The following PLA1A variants were observed in gnomAD, a reference collection of about 807,000 sequenced individuals.
PLA1A encodes phospholipase A1 member A, also known as phosphatidylserine-specific phospholipase A1alpha.
A neutral mutation model predicts 49.4 loss-of-function variants in PLA1A; 47 were observed. The ratio of observed to expected loss-of-function variants is 0.95; its 90% CI spans 0.75 to 1.21. The LOEUF is 1.21. PLA1A is among the 50% of genes most tolerant of loss of function. The probability of loss-of-function intolerance (pLI) is 0.00; values close to 1 mark genes in which losing one functional copy is unlikely to be tolerated. For missense variants in PLA1A, 561 were observed against 563.9 expected, an observed-to-expected ratio of 0.99 and a Z score of 0.05; for synonymous variants, 224 against 207.9, an observed-to-expected ratio of 1.08 and a Z score of -0.67.
chr3:119,606,844 T>C lies in PLA1A; in HGVS notation c.144T>C (p.Asp48=). The C allele has an allele frequency of 6.2e-7, 1 of 1,614,138 alleles. No homozygotes were observed. Among genetic ancestry groups the C allele is most frequent in the Non-Finnish European group, 8.5e-7 (1 of 1,180,020 alleles). Reference sequence around the variant, plus strand: ...GCGCCAACCTTTTTGAAGGCACCGATCTCAAAGTCCAGTTTCTCCTCTTTG... The same window carrying C: ...GCGCCAACCTTTTTGAAGGCACCGACCTCAAAGTCCAGTTTCTCCTCTTTG... The part of the protein sequence containing the change: ...FQSANLFEGT[D]LKVQFLLFVP... Residue 48 remains aspartate (D), a synonymous_variant, in exon 2 of 11, where the codon GAT becomes GAC. Coordinates refer to ENST00000273371, the MANE Select transcript of PLA1A (RefSeq NM_015900.4).
At position 119,598,009 on chromosome 3, in the gene PLA1A, G is replaced by A. The variant is rs775744854; in HGVS notation, c.73+23G>A. ...CAGGTAAGCCAGGGCTCAGGCCTTGGGAGGAACTTATTTCAGTCAGTGATC... is the reference window on the plus strand; with the variant it reads ...CAGGTAAGCCAGGGCTCAGGCCTTGAGAGGAACTTATTTCAGTCAGTGATC... On this transcript the variant is annotated intron_variant, in intron 1 of 10. Transcript: ENST00000273371. The A allele has an allele frequency of 2.7e-6, 4 of 1,481,910 alleles. No individual in the cohort carries two copies. The South Asian group carries it at 4.7e-5, about 17-fold the overall frequency. The allele number at this position is 1,481,910 out of a possible 1,614,324, so 91.8% of individuals were successfully genotyped here. A position where few individuals can be genotyped will look rare whatever the true frequency, so the allele number is the denominator to read the frequency against.
At chr3:119,619,918 G>A (rs762185457) in intron 8 of PLA1A, among the ~76,000 whole-genome samples, 1 of 152,196 alleles carries the variant, frequency 6.6e-6, no homozygotes. Flanking sequence ...CTTCTCTCTC[G>A]AGTGATGTTT....
At chr3:119,613,163 C>CGCTGCCTTG in intron 5 of PLA1A, 45 bp downstream of exon 5, 2 of 1,335,546 alleles carry the variant, frequency 1.5e-6, no homozygotes, top group Non-Finnish European at 2.1e-6. Flanking sequence ...GAGCTCAAGG[C>CGCTGCCTTG]AGCGCCTAGG....
chr3:119,607,030 AATACC>A, intron 2 of PLA1A, 55 bp downstream of exon 2: 1 of 1,408,988 alleles, frequency 7.1e-7, no homozygotes, highest in Non-Finnish European at 1.0e-6. Flanking sequence ...AAGTAACCAT[AATACC>A]ATAAGAAGTT....
chr3:119,610,724 T>C (rs557241705), intron 4 of PLA1A, among the ~76,000 whole-genome samples: 1 of 152,354 alleles, frequency 6.6e-6, no homozygotes, highest in South Asian at 2.1e-4. Context: ...CTTTGTCAGA[T>C]GCATAGTTTG....
intron 8 of PLA1A, among the ~76,000 whole-genome samples, chr3:119,621,032 C>T (rs189305918): frequency 2.4e-4 from 36 of 152,304 alleles, no homozygotes; most frequent in African/African-American, 8.4e-4. Flanking sequence ...CTTCTGTCAG[C>T]GCCACCCCAT....
Position 119,616,798 on chromosome 3 carries a change from G to A in PLA1A, c.754+697G>A, listed in dbSNP as rs113761202. 2.8e-3 allele frequency among the ~76,000 whole-genome samples: 427 copies of A among 152,340 alleles called. 1 individual carries two copies. Among genetic ancestry groups the A allele is most frequent in the African/African-American group, 9.5e-3 (395 of 41,590 alleles). Reference sequence around the variant, plus strand: ...AAACATGCTTCTTTTCGCAATTTGCGAATTTCTCAGCAATTCTGATAAAAT... The same window carrying A: ...AAACATGCTTCTTTTCGCAATTTGCAAATTTCTCAGCAATTCTGATAAAAT... On this transcript the variant is annotated intron_variant, in intron 6 of 10. Coordinates refer to ENST00000273371, the MANE Select transcript of PLA1A (RefSeq NM_015900.4).
In PLA1A at chr3:119,609,537, G is replaced by C; in HGVS notation, c.523G>C (p.Val175Leu). The change falls in exon 4 of 11, where the codon GTG (valine) becomes CTG (leucine). Residue 175 changes from valine (V) to leucine (L), a missense_variant. Val to Leu is a conservative substitution (Grantham distance 32). Coordinates refer to ENST00000273371, the MANE Select transcript of PLA1A (RefSeq NM_015900.4). ...VSLGAHVGGM[V>L]GQLFGGQLGQ... The stretch of plus-strand genomic sequence containing the variant: ...CCTGGGGGCCCACGTTGGGGGCATG[G>C]TGGGACAGCTCTTCGGAGGCCAGCT... The C allele has an allele frequency of 1.9e-6, 3 of 1,612,154 alleles. No individual in the cohort carries two copies. Among genetic ancestry groups the C allele is most frequent in the Non-Finnish European group, 2.5e-6 (3 of 1,178,240 alleles).
intron 1 of PLA1A, among the ~76,000 whole-genome samples, chr3:119,603,865 T>C (rs1560076582): frequency 6.6e-6 from 1 of 152,218 alleles, no homozygotes; most frequent in Non-Finnish European, 1.5e-5. Flanking sequence ...AGTTGGAAGC[T>C]TCTGAGTGGT....
At chr3:119,609,419 C>G (rs1011211620) in intron 3 of PLA1A, 49 bp from the exon 4 acceptor site, 1 of 1,172,816 alleles carries the variant, frequency 8.5e-7, no homozygotes, top group Admixed American at 1.7e-5. Flanking sequence ...CACTGTGAAG[C>G]CAGCAGACTC....
chr3:119,612,996 C>T (rs2107787533), intron 4 of PLA1A, 21 bp from the exon 5 acceptor site: 1 of 1,480,208 alleles, frequency 6.8e-7, no homozygotes. Flanking sequence ...AGAGGTCCCT[C>T]ATATCAGTCT....
At chr3:119,629,358 G>C (rs2052591975) in intron 10 of PLA1A, 26 bp from the exon 11 acceptor site, 1 of 1,394,138 alleles carries the variant, frequency 7.2e-7, no homozygotes, top group Middle Eastern at 1.8e-4. Context: ...ACCAGCCACT[G>C]CTCTCTTATT....
Position 119,629,784 on chromosome 3 carries a change from A to T in PLA1A, c.*316A>T, listed in dbSNP as rs2052601397. On this transcript the variant is annotated 3_prime_UTR_variant, in exon 11 of 11. Coordinates refer to ENST00000273371, the MANE Select transcript of PLA1A (RefSeq NM_015900.4). ...ACATGTACAGGGTAAACAATTTTTT[A>T]AAAATAAAACTTCATGGAGTATCTG... 1 of 293,996 alleles carries T rather than the reference A, an allele frequency of 3.4e-6. No individual in the cohort carries two copies. The highest frequency in any genetic ancestry group is 9.6e-4 in the Middle Eastern group (1 of 1,046). 18.2% of individuals were successfully genotyped at this position (293,996 alleles called of 1,614,324 possible).
chr3:119,629,496 G>C lies in PLA1A; in HGVS notation c.*28G>C. 2 of 1,071,658 alleles carry C rather than the reference G, an allele frequency of 1.9e-6. No homozygotes were observed. Among genetic ancestry groups the C allele is most frequent in the Non-Finnish European group, 2.6e-6 (2 of 755,128 alleles). The allele number at this position is 1,071,658 out of a possible 1,614,324, so 66.4% of individuals were successfully genotyped here. ...TAACCTGGGCAGGACACATCTCCCTGCATTTTTTTTTTTTTTTTGAGAGAG... is the reference window on the plus strand; with the variant it reads ...TAACCTGGGCAGGACACATCTCCCTCCATTTTTTTTTTTTTTTTGAGAGAG... On this transcript the variant is annotated 3_prime_UTR_variant, in exon 11 of 11. Transcript: ENST00000273371.
intron 10 of PLA1A, 121 bp downstream of exon 10, chr3:119,628,986 A>G: frequency 2.4e-6 from 2 of 843,122 alleles, no homozygotes; most frequent in South Asian, 3.3e-5. Context: ...TTAGAAGCAG[A>G]GATGACAGAC....
intron 3 of PLA1A, 103 bp downstream of exon 3, chr3:119,609,050 A>G (rs1342346741): frequency 2.2e-6 from 2 of 904,052 alleles, no homozygotes; most frequent in Non-Finnish European, 3.5e-6. Flanking sequence ...AAGCAGAGTC[A>G]CCAGGTAGCT....
At chr3:119,608,292 G>GAAAGAA (rs1560078942) in intron 2 of PLA1A, among the ~76,000 whole-genome samples, 4 of 140,398 alleles carry the variant, frequency 2.8e-5, no homozygotes, top group Non-Finnish European at 4.8e-5. Flanking sequence ...AAGAAAGAAA[G>GAAAGAA]AAAGAAAAAG....
intron 1 of PLA1A, chr3:119,600,280 T>C: frequency 1.5e-6 from 1 of 659,216 alleles, no homozygotes; most frequent in East Asian, 2.7e-5. Context: ...CAGTCACACC[T>C]AGTTTTTCCT....
intron 8 of PLA1A, among the ~76,000 whole-genome samples, chr3:119,623,631 C>T (rs11706490): frequency 0.023 from 3,515 of 152,158 alleles, 118 homozygotes; most frequent in South Asian, 0.14. Context: ...GAGCAGTCTC[C>T]TACACACACA....
Sources: allele counts gnomAD v4.1 joint callset (sites outside exome capture counted in the v4.1 genomes callset), GRCh38; gene constraint gnomAD v4.1.1; transcripts MANE v1.5; gene names NCBI Gene and HGNC (gene_info 2026-07-23, HGNC 2026-07-21).